Variants in RBFOX1 observed in about 807,000 individuals in gnomAD.
The protein encoded by RBFOX1 is RNA binding protein fox-1 homolog 1.
In RBFOX1, 8 loss-of-function variants were observed where a neutral mutation model predicts 57.7. The observed-to-expected ratio is 0.14, with a 90% CI of 0.08 to 0.25. RBFOX1 has a LOEUF of 0.25. Among genes scored for constraint, RBFOX1 ranks in the 10% least tolerant of loss-of-function variants. RBFOX1 has a pLI of 1.00. For synonymous variants in RBFOX1, 326 were observed against 222.4 expected (o/e 1.47, Z -4.15); for missense variants, 611 against 548.5 (o/e 1.11, Z -1.14).
chr16:5,406,088 T>G (rs1260775549), intron 1 of RBFOX1, among the ~76,000 whole-genome samples: 1 of 152,218 alleles, frequency 6.6e-6, no homozygotes, highest in African/African-American at 2.4e-5. Context: ...AACTTATGTA[T>G]TTGAAATCTG....
intron 4 of RBFOX1, among the ~76,000 whole-genome samples, chr16:7,467,505 G>A (rs895638632): frequency 6.6e-6 from 1 of 152,194 alleles, no homozygotes; most frequent in Non-Finnish European, 1.5e-5. Flanking sequence ...AGAGAGGGCA[G>A]TATAATATAA....
upstream of RBFOX1, among the ~76,000 whole-genome samples, chr16:6,015,841 C>T (rs1190460357): frequency 6.6e-6 from 1 of 152,198 alleles, no homozygotes; most frequent in Non-Finnish European, 1.5e-5. Context: ...AAGACAGTTG[C>T]AATCACTCAT....
chr16:7,323,577 C>T (rs557069197), intron 4 of RBFOX1, among the ~76,000 whole-genome samples: 2 of 152,224 alleles, frequency 1.3e-5, no homozygotes, highest in Non-Finnish European at 2.9e-5. Context: ...GGGGATAGCT[C>T]TGTGTTTGAC....
In RBFOX1 at chr16:6,774,456, C is replaced by T. The variant is rs79108198; in HGVS notation, c.-16+119806C>T. Among the ~76,000 whole-genome samples, 3,460 of 152,168 alleles carry T rather than the reference C, an allele frequency of 0.023. 259 individuals carry two copies. The East Asian group carries it at 0.28, about 12-fold the overall frequency. On this transcript the variant is annotated intron_variant, in intron 3 of 15. Coordinates refer to ENST00000550418, the MANE Select transcript of RBFOX1 (RefSeq NM_018723.4). ...TAGGTTCCAGAAGCAAATTAAATAT[C>T]AACAACCCAATTACCTTTTGTCTCT...
At chr16:7,702,239 A>C (rs1310596261) in intron 14 of RBFOX1, among the ~76,000 whole-genome samples, 2 of 152,194 alleles carry the variant, frequency 1.3e-5, no homozygotes, top group South Asian at 4.1e-4. Context: ...CATTTCAGAG[A>C]TATACTGAGG....
In RBFOX1 at chr16:6,243,085, A is replaced by G. The variant is rs78831003; in HGVS notation, c.-126-73910A>G. On this transcript the variant is annotated intron_variant, in intron 1 of 15. Coordinates refer to ENST00000550418, the MANE Select transcript of RBFOX1 (RefSeq NM_018723.4). ...AGGTAAATATTCCCACTCATGTAAGAGTCTTATGATATTCTTATTAGTAGC... is the reference window on the plus strand; with the variant it reads ...AGGTAAATATTCCCACTCATGTAAGGGTCTTATGATATTCTTATTAGTAGC... Among the ~76,000 whole-genome samples, 166 of 152,132 alleles carry G rather than the reference A, an allele frequency of 1.1e-3. 4 individuals are homozygous for G. In the East Asian group the frequency reaches 0.03, roughly 28 times the overall value.
At chr16:7,447,242 G>A (rs940565942) in intron 4 of RBFOX1, among the ~76,000 whole-genome samples, 3 of 151,702 alleles carry the variant, frequency 2.0e-5, no homozygotes, top group Non-Finnish European at 4.4e-5. Flanking sequence ...GACCAGCCTG[G>A]CCAACATGGG....
chr16:5,485,345 C>CAAAAAAAAAAAAAAAAAA (rs71142624), intron 2 of RBFOX1, among the ~76,000 whole-genome samples: 6 of 51,668 alleles, frequency 1.2e-4, no homozygotes, highest in Non-Finnish European at 1.8e-4. Context: ...GACTCCGTGT[C>CAAAAAAAAAAAAAAAAAA]AAAAAAAAAA....
chr16:5,421,084 G>A (rs1428655976), intron 1 of RBFOX1, among the ~76,000 whole-genome samples: 2 of 151,684 alleles, frequency 1.3e-5, no homozygotes, highest in South Asian at 4.2e-4. Flanking sequence ...TCAGCTCACT[G>A]CAGCGTCCGC....
At chr16:7,102,435 A>G (rs1490245068) in intron 4 of RBFOX1, among the ~76,000 whole-genome samples, 6 of 152,186 alleles carry the variant, frequency 3.9e-5, no homozygotes, top group African/African-American at 1.4e-4. Flanking sequence ...TCTTCGCAGG[A>G]TTTAAAGAAA....
chr16:6,460,904 C>G (rs977715043), intron 2 of RBFOX1, among the ~76,000 whole-genome samples: 4 of 150,816 alleles, frequency 2.7e-5, no homozygotes, highest in African/African-American at 9.8e-5. Context: ...TACATGTACA[C>G]CATGGAATAC....
intron 12 of RBFOX1, among the ~76,000 whole-genome samples, chr16:7,660,966 C>A (rs1204558323): frequency 6.6e-6 from 1 of 152,140 alleles, no homozygotes; most frequent in Non-Finnish European, 1.5e-5. Context: ...AGGCAATGAT[C>A]ATATTGTCCA....
intron 3 of RBFOX1, among the ~76,000 whole-genome samples, chr16:5,655,498 G>A (rs2049396454): frequency 6.6e-6 from 1 of 152,206 alleles, no homozygotes; most frequent in African/African-American, 2.4e-5. Context: ...AAGATGGGGT[G>A]TGGCTAGGTT....
chr16:7,374,673 C>T (rs2097650729), intron 4 of RBFOX1, among the ~76,000 whole-genome samples: 2 of 152,084 alleles, frequency 1.3e-5, no homozygotes. Flanking sequence ...CAGAAATCTT[C>T]TAGAAATACC....
rs367584674 is a variant in RBFOX1, at chr16:6,714,609, C to G, written c.-16+59959C>G. ...CAGGTAGGAAATGTGATTTCAGCAT[C>G]AAGAAGAAATGCAGGTATTGAAGAT... On this transcript the variant is annotated intron_variant, in intron 3 of 15. Transcript: ENST00000550418. Among the ~76,000 whole-genome samples, 44 of 152,140 alleles carry G rather than the reference C, an allele frequency of 2.9e-4. No homozygotes were observed. The South Asian group carries it at 8.7e-3, about 30-fold the overall frequency.
At chr16:6,417,939 A>T (rs2093670436) in intron 2 of RBFOX1, among the ~76,000 whole-genome samples, 1 of 152,120 alleles carries the variant, frequency 6.6e-6, no homozygotes, top group African/African-American at 2.4e-5. Context: ...AAGTTGTATT[A>T]ATAACATCTA....
At chr16:7,304,499 C>T in intron 4 of RBFOX1, 1 of 985,340 alleles carries the variant, frequency 1.0e-6, no homozygotes, top group South Asian at 4.7e-5. Flanking sequence ...AGGCGCGCGT[C>T]TGCCCTCGGT....
At chr16:5,595,202 T>G (rs780042376) in intron 2 of RBFOX1, among the ~76,000 whole-genome samples, 6 of 152,114 alleles carry the variant, frequency 3.9e-5, no homozygotes, top group Non-Finnish European at 8.8e-5. Context: ...GAAAAGACCC[T>G]GTAAAGGCAG....
chr16:6,486,640 T>G (rs968154880), intron 2 of RBFOX1, among the ~76,000 whole-genome samples: 1 of 147,830 alleles, frequency 6.8e-6, no homozygotes, highest in African/African-American at 2.5e-5. Context: ...AGGAAAAAGC[T>G]TGAACCCTTA....
Sources: gnomAD v4.1 joint callset for allele counts (sites outside exome capture counted in the v4.1 genomes callset) on GRCh38, gnomAD v4.1.1 for gene constraint, MANE v1.5 for transcripts, NCBI Gene and HGNC (gene_info 2026-07-23, HGNC 2026-07-21) for gene names.